Variants in NCEH1 observed in about 807,000 individuals in gnomAD.
NCEH1 encodes the protein neutral cholesterol ester hydrolase 1.
A neutral mutation model predicts 25.4 loss-of-function variants in NCEH1; 9 were observed. The observed-to-expected ratio is 0.35, with a 90% confidence interval of 0.21 to 0.62. The LOEUF is 0.62. Ranked by LOEUF, NCEH1 falls within the 20% of genes least tolerant of loss-of-function variation. The probability of loss-of-function intolerance (pLI) is 0.72; values close to 1 mark genes in which losing one functional copy is unlikely to be tolerated. For missense variants in NCEH1, 412 were observed against 501.1 expected (o/e 0.82, Z 1.70); for synonymous variants, 200 against 199.8 (o/e 1.00, Z -0.01).
intron 1 of NCEH1, among the ~76,000 whole-genome samples, chr3:172,692,905 T>C (rs1713147909): frequency 6.6e-6 from 1 of 152,228 alleles, no homozygotes; most frequent in African/African-American, 2.4e-5. Flanking sequence ...GTGTCTGCCA[T>C]GCTCTTTCAC....
chr3:172,684,513 A>C (rs1712592461), intron 1 of NCEH1, among the ~76,000 whole-genome samples: 2 of 152,218 alleles, frequency 1.3e-5, no homozygotes, highest in African/African-American at 4.8e-5. Context: ...GGATGAAACA[A>C]TCAAGTAAAT....
chr3:172,710,713 C>G (rs1197649680), intron 1 of NCEH1, 134 bp downstream of exon 1: 10 of 931,978 alleles, frequency 1.1e-5, no homozygotes, highest in Non-Finnish European at 1.6e-5. Context: ...CCGACTGGAC[C>G]ACCTCAAAAA....
chr3:172,636,250 C>G (rs926986428), intron 3 of NCEH1, 163 bp from the exon 4 acceptor site: 1 of 459,422 alleles, frequency 2.2e-6, no homozygotes, highest in African/African-American at 2.0e-5. Flanking sequence ...AAAAATAAAC[C>G]ATTTTCTTGC....
At chr3:172,649,249 C>T (rs1055629371) in intron 1 of NCEH1, among the ~76,000 whole-genome samples, 7 of 151,840 alleles carry the variant, frequency 4.6e-5, no homozygotes, top group Admixed American at 6.6e-5. Context: ...TATATATATA[C>T]ACACACACAT....
At chr3:172,654,636 G>A (rs1481994844) in intron 1 of NCEH1, among the ~76,000 whole-genome samples, 2 of 152,244 alleles carry the variant, frequency 1.3e-5, no homozygotes, top group African/African-American at 2.4e-5. Flanking sequence ...GGCAGCTGGG[G>A]AAGAACCAGC....
In NCEH1 at chr3:172,675,323, A is replaced by AATTAATTAATT. The variant is rs1553835594; in HGVS notation, c.139-27210_139-27209insAATTAATTAAT. Among the ~76,000 whole-genome samples, 429 of 144,772 alleles carry AATTAATTAATT rather than the reference A, an allele frequency of 3.0e-3. 3 individuals carry two copies. Among genetic ancestry groups the AATTAATTAATT allele is most frequent in the African/African-American group, 0.011 (382 of 35,690 alleles). The allele number at this position is 144,772 out of a possible 152,430, so 95.0% of individuals were successfully genotyped here. A position where few individuals can be genotyped will look rare whatever the true frequency, so the allele number is the denominator to read the frequency against. On this transcript the variant is annotated intron_variant, in intron 1 of 4. Transcript: ENST00000475381. Reference sequence around the variant, plus strand: ...GTCTCAAATAAATAAATAAATAAATAAATAAATAAATAAATAAATGATTTT... The same window carrying AATTAATTAATT: ...GTCTCAAATAAATAAATAAATAAATAATTAATTAATTAATAAATAAATAAATAAATGATTTT...
intron 1 of NCEH1, among the ~76,000 whole-genome samples, chr3:172,700,503 T>TCA (rs1195966224): frequency 6.6e-6 from 1 of 152,162 alleles, no homozygotes; most frequent in African/African-American, 2.4e-5. Flanking sequence ...GCATAACTGA[T>TCA]CACATGTTTA....
At chr3:172,650,963 G>GATATCAAGATATACTAGATATCT (rs1717377902) in intron 1 of NCEH1, among the ~76,000 whole-genome samples, 1 of 150,940 alleles carries the variant, frequency 6.6e-6, no homozygotes, top group South Asian at 2.1e-4. Context: ...TGATAAATTA[G>GATATCAAGATATACTAGATATCT]AGTTATACTA....
rs1051936560 is a variant in NCEH1 at position 172,631,226 on chromosome 3, C to G, written c.*2249G>C. 1 of 152,150 alleles carries G rather than the reference C, an allele frequency of 6.6e-6. No homozygotes were observed. The highest frequency in any genetic ancestry group is 2.4e-5 in the African/African-American group (1 of 41,424). 9.4% of individuals were successfully genotyped at this position (152,150 alleles called of 1,614,324 possible). A position where few individuals can be genotyped will look rare whatever the true frequency, so the allele number is the denominator to read the frequency against. On this transcript the variant is annotated 3_prime_UTR_variant, in exon 5 of 5. Transcript: ENST00000475381. Reference sequence around the variant, plus strand: ...TTGGCTCACAATTCTGGGGAAAATGCCAATTGAAGGAACCCTGCCTATACA... The same window carrying G: ...TTGGCTCACAATTCTGGGGAAAATGGCAATTGAAGGAACCCTGCCTATACA...
intron 1 of NCEH1, among the ~76,000 whole-genome samples, chr3:172,707,167 TA>T (rs141987349): frequency 6.0e-5 from 9 of 149,464 alleles, no homozygotes; most frequent in Non-Finnish European, 7.5e-5. Flanking sequence ...GATTACCATT[TA>T]AAAAAAAAAA....
At position 172,631,126 on chromosome 3, in the gene NCEH1, TC is replaced by T. The variant is rs1280549515; in HGVS notation, c.*2348del. 1 of 152,212 alleles carries T rather than the reference TC, an allele frequency of 6.6e-6. No individual in the cohort carries two copies. Among genetic ancestry groups the T allele is most frequent in the Non-Finnish European group, 1.5e-5 (1 of 68,026 alleles). 9.4% of individuals were successfully genotyped at this position (152,212 alleles called of 1,614,324 possible). On this transcript the variant is annotated 3_prime_UTR_variant, in exon 5 of 5. Transcript: ENST00000475381. ...CAGAAACAGTGGTTGACCTCTTTTT[TC>T]CTTTACTCCCTTTTCATCTGAGAGA...
chr3:172,655,721 C>T (rs909745746), intron 1 of NCEH1, among the ~76,000 whole-genome samples: 14 of 152,228 alleles, frequency 9.2e-5, no homozygotes, highest in Non-Finnish European at 1.9e-4. Flanking sequence ...CAACCCAACT[C>T]TGATCAAAGC....
rs118147171 is a variant in NCEH1, at chr3:172,691,675, C to T, written c.138+19172G>A. ...AAGAAAGAACAGGGTGCTGGCCGGG[C>T]GCGGTGGCTCACGCCTGTAATCCCA... On this transcript the variant is annotated intron_variant, in intron 1 of 4. Transcript: ENST00000475381. Among the ~76,000 whole-genome samples, 172 of 152,296 alleles carry T rather than the reference C, an allele frequency of 1.1e-3. No homozygotes were observed. In the East Asian group the frequency reaches 0.027, roughly 24 times the overall value.
chr3:172,651,634 C>G (rs1166211537), intron 1 of NCEH1, among the ~76,000 whole-genome samples: 3 of 150,666 alleles, frequency 2.0e-5, no homozygotes, highest in Admixed American at 6.6e-5. Context: ...TCTCGGCTCA[C>G]TGAAACCTCC....
chr3:172,701,616 GTT>G (rs60219751), intron 1 of NCEH1, among the ~76,000 whole-genome samples: 9,398 of 110,518 alleles, frequency 0.085, 221 homozygotes, highest in Non-Finnish European at 0.11. Flanking sequence ...TGCCCAGCTA[GTT>G]TTTTTTTTTT....
At position 172,710,901 on chromosome 3, in the gene NCEH1, G is replaced by T; in HGVS notation, c.84C>A (p.Ser28=). 1 of 1,614,134 alleles carries T rather than the reference G, an allele frequency of 6.2e-7. No individual in the cohort carries two copies. The highest frequency in any genetic ancestry group is 8.5e-7 in the Non-Finnish European group (1 of 1,180,018). ...YVYIPLPGSV[S]DPWKLMLLDA... is the part of the protein sequence containing the mutation. ...CCAGCAGCATCAGCTTCCAGGGGTC[G>T]GACACGGAGCCAGGCAGCGGGATGT... Residue 28 remains serine, a synonymous_variant, in exon 1 of 5, where the codon TCC becomes TCA. Coordinates refer to ENST00000475381, the MANE Select transcript of NCEH1 (RefSeq NM_020792.6).
At chr3:172,662,730 T>A (rs1243678631) in intron 1 of NCEH1, among the ~76,000 whole-genome samples, 1 of 152,244 alleles carries the variant, frequency 6.6e-6, no homozygotes, top group Non-Finnish European at 1.5e-5. Context: ...CCATTTCTTC[T>A]AGATTTTCTA....
At chr3:172,660,516 G>C (rs1475813964) in intron 1 of NCEH1, among the ~76,000 whole-genome samples, 1 of 152,136 alleles carries the variant, frequency 6.6e-6, no homozygotes, top group Non-Finnish European at 1.5e-5. Flanking sequence ...GGGTCAAATG[G>C]TATTTCTAGT....
intron 1 of NCEH1, among the ~76,000 whole-genome samples, chr3:172,692,099 C>T (rs1713095537): frequency 6.6e-6 from 1 of 152,122 alleles, no homozygotes; most frequent in African/African-American, 2.4e-5. Flanking sequence ...TTCAAGAAGC[C>T]TTTGTCTCCA....
Sources: allele counts gnomAD v4.1 joint callset (sites outside exome capture counted in the v4.1 genomes callset), GRCh38; gene constraint gnomAD v4.1.1; transcripts MANE v1.5; gene names NCBI Gene and HGNC (gene_info 2026-07-23, HGNC 2026-07-21).